The following RNF214 variants were observed in gnomAD, a reference collection of about 807,000 sequenced individuals.
RNF214 encodes ring finger protein 214.
A neutral mutation model predicts 75.9 loss-of-function variants in RNF214; 25 were observed. That is an observed-to-expected ratio of 0.33 (90% CI 0.24 to 0.46). The LOEUF is 0.46. Among genes scored for constraint, RNF214 ranks in the 20% least tolerant of loss-of-function variants. RNF214 has a pLI of 1.00. For synonymous variants in RNF214, 314 were observed against 308.8 expected, an observed-to-expected ratio of 1.02 and a Z score of -0.18; for missense variants, 725 against 857.5, an observed-to-expected ratio of 0.85 and a Z score of 1.93.
At chr11:117,276,810 T>C (rs1479798873) in intron 6 of RNF214, among the ~76,000 whole-genome samples, 2 of 152,222 alleles carry the variant, frequency 1.3e-5, no homozygotes, top group Non-Finnish European at 2.9e-5. Flanking sequence ...ATGAAAGAGA[T>C]GTTCAGTGAG....
intron 6 of RNF214, among the ~76,000 whole-genome samples, chr11:117,278,818 C>T (rs2034068121): frequency 6.6e-6 from 1 of 152,164 alleles, no homozygotes; most frequent in Non-Finnish European, 1.5e-5. Context: ...GGCCTCTGGC[C>T]AGGCACAGTA....
intron 6 of RNF214, among the ~76,000 whole-genome samples, chr11:117,273,114 C>A (rs1209460867): frequency 6.6e-6 from 1 of 152,026 alleles, no homozygotes; most frequent in East Asian, 1.9e-4. Context: ...ATGGAAGAAG[C>A]TTACTTATCT....
intron 6 of RNF214, among the ~76,000 whole-genome samples, chr11:117,272,491 G>T (rs971957190): frequency 1.3e-5 from 2 of 152,002 alleles, no homozygotes; most frequent in African/African-American, 4.8e-5. Flanking sequence ...AATGTATGCG[G>T]GGCTTAAAAC....
intron 6 of RNF214, among the ~76,000 whole-genome samples, chr11:117,273,801 G>T (rs1259347077): frequency 6.6e-6 from 1 of 152,212 alleles, no homozygotes; most frequent in Non-Finnish European, 1.5e-5. Context: ...AAATCATCAA[G>T]ATGTGGAAAC....
At chr11:117,281,446 G>A in intron 9 of RNF214, 42 bp downstream of exon 9, 1 of 1,491,846 alleles carries the variant, frequency 6.7e-7, no homozygotes, top group Non-Finnish European at 9.4e-7. Context: ...GTGTTAGTCT[G>A]TGCTTAACAC....
intron 14 of RNF214, among the ~76,000 whole-genome samples, chr11:117,284,861 C>T (rs28989518): frequency 5.3e-5 from 8 of 152,108 alleles, no homozygotes; most frequent in Non-Finnish European, 8.8e-5. Flanking sequence ...ACCCAGGAAG[C>T]AGAGGTTCCA....
At chr11:117,263,526 G>C (rs535953458) in intron 6 of RNF214, among the ~76,000 whole-genome samples, 1 of 151,626 alleles carries the variant, frequency 6.6e-6, no homozygotes, top group East Asian at 2.0e-4. Flanking sequence ...CACCCGCCTC[G>C]GCCTCCCAAA....
chr11:117,243,186 A>C (rs1282013585), intron 4 of RNF214, among the ~76,000 whole-genome samples: 1 of 152,014 alleles, frequency 6.6e-6, no homozygotes, highest in Non-Finnish European at 1.5e-5. Context: ...TCGCTCTGTC[A>C]CCCAGTCTGG....
At chr11:117,251,355 A>G (rs1405575256) in intron 6 of RNF214, among the ~76,000 whole-genome samples, 2 of 133,336 alleles carry the variant, frequency 1.5e-5, no homozygotes, top group African/African-American at 2.8e-5. Flanking sequence ...CACCTCCCGG[A>G]CGGGGCGGCT....
At chr11:117,278,670 C>T (rs1280526360) in intron 6 of RNF214, among the ~76,000 whole-genome samples, 1 of 152,080 alleles carries the variant, frequency 6.6e-6, no homozygotes, top group East Asian at 1.9e-4. Flanking sequence ...AATGAGAAGT[C>T]CTGAGGTATG....
intron 6 of RNF214, among the ~76,000 whole-genome samples, chr11:117,254,071 T>C (rs1230383920): frequency 1.3e-5 from 2 of 152,100 alleles, no homozygotes; most frequent in African/African-American, 4.8e-5. Context: ...CTGGCCAACA[T>C]GGCGAAACCC....
At chr11:117,279,245 T>C (rs2034077131) in intron 6 of RNF214, among the ~76,000 whole-genome samples, 1 of 152,150 alleles carries the variant, frequency 6.6e-6, no homozygotes, top group Non-Finnish European at 1.5e-5. Flanking sequence ...TGTTCTGCCT[T>C]CAATGGAGGG....
chr11:117,265,891 C>T (rs574669769), intron 6 of RNF214, among the ~76,000 whole-genome samples: 50 of 152,288 alleles, frequency 3.3e-4, no homozygotes, highest in African/African-American at 1.2e-3. Flanking sequence ...TATTCATTTT[C>T]AGTCACTGCT....
At chr11:117,274,731 A>G (rs899036166) in intron 6 of RNF214, among the ~76,000 whole-genome samples, 4 of 150,988 alleles carry the variant, frequency 2.6e-5, no homozygotes, top group Admixed American at 2.0e-4. Context: ...CCAGAGTGCA[A>G]TGGCACAATC....
chr11:117,243,988 G>C (rs1230191658), intron 4 of RNF214, among the ~76,000 whole-genome samples: 1 of 152,054 alleles, frequency 6.6e-6, no homozygotes, highest in Admixed American at 6.6e-5. Context: ...TCATGTTCCC[G>C]GACGCTTTTT....
intron 6 of RNF214, among the ~76,000 whole-genome samples, chr11:117,268,290 A>T (rs1234005930): frequency 6.6e-6 from 1 of 152,196 alleles, no homozygotes; most frequent in Admixed American, 6.5e-5. Context: ...TCCTACTGGG[A>T]ACTGGGAGAT....
rs887675504 is a variant in RNF214 at position 117,256,418 on chromosome 11, G to A, written c.959+9470G>A. Among the ~76,000 whole-genome samples, 3 of 152,182 alleles carry A rather than the reference G, an allele frequency of 2.0e-5. No individual in the cohort carries two copies. In the South Asian group the frequency reaches 6.2e-4, roughly 32 times the overall value. On this transcript the variant is annotated intron_variant, in intron 6 of 14. Transcript: ENST00000300650. ...TGGATGGTTCTGTTGGCCTTGTTTG[G>A]AGTCATTCATGTGGCTCCGGTCAGG...
chr11:117,244,256 T>C (rs2033153856), intron 4 of RNF214, among the ~76,000 whole-genome samples, 189 bp from the exon 5 acceptor site: 1 of 152,094 alleles, frequency 6.6e-6, no homozygotes, highest in African/African-American at 2.4e-5. Flanking sequence ...ACTACAGTTA[T>C]AGGTGTGAGC....
rs1400526699 is a variant in RNF214, at chr11:117,281,423, C to G, written c.1236+19C>G. ...TGTTCGTGTAAGTGTATCTATGAGT[C>G]ATCATTCAGTCAGTGTTAGTCTGTG... On this transcript the variant is annotated intron_variant, in intron 9 of 14. Transcript: ENST00000300650. 3.2e-6 allele frequency: 5 copies of G among 1,574,740 alleles called. No individual in the cohort carries two copies. The East Asian group carries it at 1.1e-4, about 35-fold the overall frequency.
Sources: gnomAD v4.1 joint callset for allele counts (sites outside exome capture counted in the v4.1 genomes callset) on GRCh38, gnomAD v4.1.1 for gene constraint, MANE v1.5 for transcripts, NCBI Gene and HGNC (gene_info 2026-07-23, HGNC 2026-07-21) for gene names.